KCNQ3: variants seen among roughly 807,000 people sequenced by gnomAD.
The protein encoded by KCNQ3 is potassium voltage-gated channel subfamily Q member 3, also known as potassium voltage-gated channel subfamily KQT member 3.
A neutral mutation model predicts 92.5 loss-of-function variants in KCNQ3; 30 were observed. The observed-to-expected ratio is 0.32, with a 90% CI of 0.24 to 0.44. The LOEUF (loss-of-function observed/expected upper bound fraction) is 0.44, where lower values mean the gene tolerates loss of function less well. Among genes scored for constraint, KCNQ3 ranks in the 20% least tolerant of loss-of-function variants. KCNQ3 has a pLI of 1.00. For missense variants in KCNQ3, 913 were observed against 1,140.3 expected (o/e 0.80, Z 2.87); for synonymous variants, 450 against 468.8 (o/e 0.96, Z 0.52).
At chr8:132,217,864 A>G (rs1433079754) in intron 1 of KCNQ3, among the ~76,000 whole-genome samples, 1 of 152,214 alleles carries the variant, frequency 6.6e-6, no homozygotes, top group East Asian at 1.9e-4. Context: ...GGCCTACTTC[A>G]ATAAATAGAT....
chr8:132,285,170 G>A (rs761507667), intron 1 of KCNQ3, among the ~76,000 whole-genome samples: 50 of 152,290 alleles, frequency 3.3e-4, no homozygotes, highest in Admixed American at 1.6e-3. Context: ...GTAATGGGTC[G>A]GGGCTGAACA....
intron 1 of KCNQ3, among the ~76,000 whole-genome samples, chr8:132,319,763 C>A (rs564337439): frequency 3.2e-4 from 48 of 152,332 alleles, no homozygotes; most frequent in African/African-American, 1.1e-3. Context: ...AATGGGCTTT[C>A]CATCGCTCTA....
At chr8:132,360,987 T>C (rs1819150941) in intron 1 of KCNQ3, among the ~76,000 whole-genome samples, 1 of 152,180 alleles carries the variant, frequency 6.6e-6, no homozygotes, top group African/African-American at 2.4e-5. Flanking sequence ...TGGCTCTTCA[T>C]TATGGCCTCA....
At chr8:132,288,671 G>A (rs1487836526) in intron 1 of KCNQ3, among the ~76,000 whole-genome samples, 1 of 152,056 alleles carries the variant, frequency 6.6e-6, no homozygotes. Flanking sequence ...CTTTCATAGG[G>A]CAGTGCATTG....
At chr8:132,398,848 A>G (rs1335319612) in intron 1 of KCNQ3, among the ~76,000 whole-genome samples, 2 of 152,208 alleles carry the variant, frequency 1.3e-5, no homozygotes, top group Non-Finnish European at 2.9e-5. Flanking sequence ...ACCCCAGGTG[A>G]TACTGGCATC....
At chr8:132,438,738 G>A (rs1821457877) in intron 1 of KCNQ3, among the ~76,000 whole-genome samples, 1 of 151,946 alleles carries the variant, frequency 6.6e-6, no homozygotes, top group South Asian at 2.1e-4. Context: ...TCAATGAAAG[G>A]AAATGTGGTC....
chr8:132,464,964 AC>A (rs1232798366), intron 1 of KCNQ3, among the ~76,000 whole-genome samples: 6 of 152,228 alleles, frequency 3.9e-5, no homozygotes, highest in African/African-American at 1.4e-4. Context: ...TGTATACAAA[AC>A]CTAAAGGATT....
chr8:132,386,692 G>A (rs1819899948), intron 1 of KCNQ3, among the ~76,000 whole-genome samples: 1 of 152,022 alleles, frequency 6.6e-6, no homozygotes, highest in Non-Finnish European at 1.5e-5. Flanking sequence ...ATATCAAACT[G>A]GATCAATTGC....
intron 1 of KCNQ3, among the ~76,000 whole-genome samples, chr8:132,449,794 C>T (rs2130848462): frequency 6.6e-6 from 1 of 152,274 alleles, no homozygotes; most frequent in Admixed American, 6.5e-5. Flanking sequence ...AGGGTCAAGG[C>T]TAGTTTCCAC....
At position 132,284,464 on chromosome 8, in the gene KCNQ3, C is replaced by A. The variant is rs76261124; in HGVS notation, c.387-98283G>T. On this transcript the variant is annotated intron_variant, in intron 1 of 14. Transcript: ENST00000388996. ...GCCAAGGTGGTATTTAAATTAAGAT[C>A]TGTCTGTTTGTGAAACTCTATAGAT... Among the ~76,000 whole-genome samples, 102 of 150,332 alleles carry A rather than the reference C, an allele frequency of 6.8e-4. No individual in the cohort carries two copies. The East Asian group carries it at 0.02, about 29-fold the overall frequency.
intron 9 of KCNQ3, among the ~76,000 whole-genome samples, chr8:132,157,664 A>G (rs1309091182): frequency 6.8e-6 from 1 of 147,982 alleles, no homozygotes; most frequent in African/African-American, 2.5e-5. Flanking sequence ...TTATTTTTTT[A>G]TTTTTATTAA....
chr8:132,141,303 G>A lies in KCNQ3; in HGVS notation c.1291C>T (p.Arg431Cys). The change falls in exon 10 of 15, where the codon CGC becomes TGC. Residue 431 changes from arginine (R) to cysteine (C), a missense_variant. Transcript: ENST00000388996. Reference protein sequence around the residue: ...SQKLGLLDRVRLSNPRGSNTK... With the variant: ...SQKLGLLDRVCLSNPRGSNTK... ...TTGCTACCACGAGGATTAGAAAGGC[G>A]AACCCGATCCAAGAGACCCAGCTTT... The A allele has an allele frequency of 6.2e-7, 1 of 1,614,114 alleles. No homozygotes were observed. Among genetic ancestry groups the A allele is most frequent in the Non-Finnish European group, 8.5e-7 (1 of 1,180,026 alleles).
At chr8:132,372,775 A>AAC (rs1742517218) in intron 1 of KCNQ3, among the ~76,000 whole-genome samples, 2 of 149,854 alleles carry the variant, frequency 1.3e-5, no homozygotes, top group African/African-American at 4.9e-5. Context: ...AAAAAAAACA[A>AAC]AAAAAAAAAC....
rs548973597 is a variant in KCNQ3, at chr8:132,288,289, C to A, written c.387-102108G>T. On this transcript the variant is annotated intron_variant, in intron 1 of 14. Transcript: ENST00000388996. Reference sequence around the variant, plus strand: ...AACACTACATGAGAGGTCTTAATCACCTCATTCTCATCAGCATTCCCATGT... The same window carrying A: ...AACACTACATGAGAGGTCTTAATCAACTCATTCTCATCAGCATTCCCATGT... 5.9e-5 allele frequency among the ~76,000 whole-genome samples: 9 copies of A among 152,290 alleles called. No homozygotes were observed. The South Asian group carries it at 1.9e-3, about 32-fold the overall frequency.
chr8:132,213,376 C>T (rs1453513328), intron 1 of KCNQ3, among the ~76,000 whole-genome samples: 2 of 152,194 alleles, frequency 1.3e-5, no homozygotes, highest in African/African-American at 4.8e-5. Context: ...ACTTCCCAAA[C>T]TGCCTGGGGG....
chr8:132,443,506 G>C (rs1821593412), intron 1 of KCNQ3, among the ~76,000 whole-genome samples: 1 of 152,078 alleles, frequency 6.6e-6, no homozygotes, highest in Non-Finnish European at 1.5e-5. Context: ...GACAGCCAGA[G>C]TTCTCAAAAG....
intron 1 of KCNQ3, among the ~76,000 whole-genome samples, chr8:132,387,846 T>TC (rs1375568962): frequency 4.0e-5 from 6 of 151,806 alleles, no homozygotes; most frequent in Admixed American, 3.9e-4. Context: ...ACAAAAAAAA[T>TC]TTTTTTAATT....
Position 132,390,047 on chromosome 8 carries a change from G to A in KCNQ3, c.386+90100C>T, listed in dbSNP as rs887289728. On this transcript the variant is annotated intron_variant, in intron 1 of 14. Transcript: ENST00000388996. Reference sequence around the variant, plus strand: ...AAATATCCATCGACTGCCATTGGTAGTATGGTTATACAATGGAATTCTACA... The same window carrying A: ...AAATATCCATCGACTGCCATTGGTAATATGGTTATACAATGGAATTCTACA... Among the ~76,000 whole-genome samples the A allele has an allele frequency of 6.6e-5, 10 of 152,308 alleles. No homozygotes were observed. In the East Asian group the frequency reaches 1.3e-3, roughly 21 times the overall value.
intron 14 of KCNQ3, among the ~76,000 whole-genome samples, chr8:132,131,401 T>C (rs1824872787): frequency 1.3e-5 from 2 of 152,162 alleles, no homozygotes. Context: ...GTGAGCGGGT[T>C]TCTCTTTCCA....
Sources: gnomAD v4.1 joint callset for allele counts (sites outside exome capture counted in the v4.1 genomes callset) on GRCh38, gnomAD v4.1.1 for gene constraint, MANE v1.5 for transcripts, NCBI Gene and HGNC (gene_info 2026-07-23, HGNC 2026-07-21) for gene names.